The following ZNF521 variants were observed in gnomAD, a reference collection of about 807,000 sequenced individuals.
ZNF521 encodes LYST-interacting protein 3.
ZNF521 carries 14 observed loss-of-function variants against 105.5 expected under a neutral mutation model. That is an observed-to-expected ratio of 0.13 (90% confidence interval 0.09 to 0.21). ZNF521 has a LOEUF of 0.21. Ranked by LOEUF, ZNF521 falls within the 10% of genes least tolerant of loss-of-function variation. The pLI is 1.00. For missense variants in ZNF521, 1,233 were observed against 1,629.7 expected (o/e 0.76, Z 4.19); for synonymous variants, 635 against 606.0 (o/e 1.05, Z -0.70).
rs148744300 is a variant in ZNF521 at position 25,198,121 on chromosome 18, G to A, written c.3574-2877C>T. 3.0e-3 allele frequency among the ~76,000 whole-genome samples: 459 copies of A among 151,872 alleles called. 1 individual carries two copies. The highest frequency in any genetic ancestry group is 0.01 in the African/African-American group (429 of 41,516). On this transcript the variant is annotated intron_variant, in intron 4 of 7. Coordinates refer to ENST00000361524, the MANE Select transcript of ZNF521 (RefSeq NM_015461.3). The stretch of plus-strand genomic sequence containing the variant: ...ATGCTAATTTAGTACATTTTTAAAA[G>A]AGACTTTTTTTTTCATTAGCCTTTT...
chr18:25,224,263 T>C lies in ZNF521; in HGVS notation c.3573+82A>G, dbSNP rs546097946. On this transcript the variant is annotated intron_variant, in intron 4 of 7. Coordinates refer to ENST00000361524, the MANE Select transcript of ZNF521 (RefSeq NM_015461.3). ...GCATCTTTTGGCCCATGACAATAAA[T>C]AAAGCTGTGGAGAGTGTAAACATAA... 175 of 1,276,092 alleles carry C rather than the reference T, an allele frequency of 1.4e-4. No individual in the cohort carries two copies. In the East Asian group the frequency reaches 4.1e-3, roughly 30 times the overall value. The allele number at this position is 1,276,092 out of a possible 1,614,324, so 79.0% of individuals were successfully genotyped here. A position where few individuals can be genotyped will look rare whatever the true frequency, so the allele number is the denominator to read the frequency against.
At chr18:25,273,685 T>C (rs1317828506) in intron 3 of ZNF521, 7 of 152,214 alleles carry the variant, frequency 4.6e-5, no homozygotes, top group Non-Finnish European at 1.0e-4. Flanking sequence ...GAGTACTATG[T>C]AAATATTTGT....
At chr18:25,271,742 C>A (rs1298917616) in intron 3 of ZNF521, among the ~76,000 whole-genome samples, 1 of 152,140 alleles carries the variant, frequency 6.6e-6, no homozygotes, top group Admixed American at 6.5e-5. Context: ...TGGATCCCTG[C>A]CTTACACCTT....
chr18:25,112,249 C>T (rs2034205813), intron 5 of ZNF521, among the ~76,000 whole-genome samples: 1 of 152,200 alleles, frequency 6.6e-6, no homozygotes, highest in African/African-American at 2.4e-5. Flanking sequence ...CATCTCAGCT[C>T]ATGTATGAGG....
chr18:25,106,011 C>T (rs1372721345), intron 5 of ZNF521, among the ~76,000 whole-genome samples: 3 of 151,792 alleles, frequency 2.0e-5, no homozygotes, highest in Admixed American at 6.6e-5. Context: ...ATGTGGTATT[C>T]GTTTTGTTGT....
At chr18:25,198,125 CT>C (rs796852654) in intron 4 of ZNF521, among the ~76,000 whole-genome samples, 8 of 150,962 alleles carry the variant, frequency 5.3e-5, no homozygotes, top group Non-Finnish European at 7.4e-5. Context: ...TTAAAAGAGA[CT>C]TTTTTTTTCA....
At chr18:25,257,082 A>G (rs1384015904) in intron 3 of ZNF521, among the ~76,000 whole-genome samples, 3 of 152,168 alleles carry the variant, frequency 2.0e-5, no homozygotes, top group African/African-American at 7.2e-5. Context: ...TCACTGGGGT[A>G]GCAACGCAGG....
intron 4 of ZNF521, chr18:25,201,543 A>G (rs1053572980): frequency 2.6e-5 from 4 of 152,180 alleles, no homozygotes; most frequent in Admixed American, 6.6e-5. Context: ...TTGTTTTTCT[A>G]TCTTTATATT....
intron 2 of ZNF521, among the ~76,000 whole-genome samples, chr18:25,335,424 T>C (rs1267227983): frequency 1.3e-5 from 2 of 152,148 alleles, no homozygotes; most frequent in African/African-American, 4.8e-5. Flanking sequence ...AAACACTCTG[T>C]ACCTCGCCTA....
At chr18:25,206,370 T>C (rs1455466031) in intron 4 of ZNF521, among the ~76,000 whole-genome samples, 1 of 152,160 alleles carries the variant, frequency 6.6e-6, no homozygotes, top group Non-Finnish European at 1.5e-5. Flanking sequence ...AATATGTAAA[T>C]GACTCATACC....
chr18:25,253,948 CA>C, intron 3 of ZNF521, among the ~76,000 whole-genome samples: 1 of 152,252 alleles, frequency 6.6e-6, no homozygotes. Context: ...CCCAACTCTT[CA>C]GTTACTCTGA....
chr18:25,083,188 T>C (rs1183877075), intron 7 of ZNF521, among the ~76,000 whole-genome samples: 2 of 152,172 alleles, frequency 1.3e-5, no homozygotes, highest in Admixed American at 6.5e-5. Flanking sequence ...CAAGTATACA[T>C]GTTTAGTTTT....
At chr18:25,099,969 T>G (rs1012274055) in intron 5 of ZNF521, among the ~76,000 whole-genome samples, 2 of 152,122 alleles carry the variant, frequency 1.3e-5, no homozygotes, top group Non-Finnish European at 2.9e-5. Flanking sequence ...CAATATTAAT[T>G]CCACACAGTG....
intron 3 of ZNF521, among the ~76,000 whole-genome samples, chr18:25,285,662 A>G (rs1420908862): frequency 6.6e-6 from 1 of 152,070 alleles, no homozygotes; most frequent in African/African-American, 2.4e-5. Context: ...AGAACTACAG[A>G]CAGATTTTGT....
intron 3 of ZNF521, among the ~76,000 whole-genome samples, chr18:25,237,641 A>G (rs1362364074): frequency 6.6e-6 from 1 of 152,218 alleles, no homozygotes; most frequent in African/African-American, 2.4e-5. Flanking sequence ...AATGAGACAC[A>G]TTGCTAATAT....
rs773295968 is a variant in ZNF521 at position 25,352,138 on chromosome 18, A to G, written c.-135T>C. 2.0e-5 allele frequency: 8 copies of G among 408,182 alleles called. No individual in the cohort carries two copies. The highest frequency in any genetic ancestry group is 3.5e-5 in the Non-Finnish European group (7 of 197,694). The allele number at this position is 408,182 out of a possible 1,614,324, so 25.3% of individuals were successfully genotyped here. A position where few individuals can be genotyped will look rare whatever the true frequency, so the allele number is the denominator to read the frequency against. On this transcript the variant is annotated 5_prime_UTR_variant, in exon 1 of 8. Coordinates refer to ENST00000361524, the MANE Select transcript of ZNF521 (RefSeq NM_015461.3). Reference sequence around the variant, plus strand: ...GCAGGGACTCGCTCTGTACGTAATCACTGAGGAAATCATTGTCAGCCTGCC... The same window carrying G: ...GCAGGGACTCGCTCTGTACGTAATCGCTGAGGAAATCATTGTCAGCCTGCC...
chr18:25,174,872 AT>A (rs1216864926), intron 5 of ZNF521, among the ~76,000 whole-genome samples: 1 of 152,142 alleles, frequency 6.6e-6, no homozygotes, highest in African/African-American at 2.4e-5. Flanking sequence ...TTAATTTCAG[AT>A]TTTTAATCAC....
chr18:25,260,794 G>A (rs1474314748), intron 3 of ZNF521, among the ~76,000 whole-genome samples: 2 of 152,006 alleles, frequency 1.3e-5, no homozygotes, highest in African/African-American at 4.8e-5. Flanking sequence ...AAATCCCCAG[G>A]AGAGTCATAG....
At chr18:25,223,437 T>C (rs1905868507) in intron 4 of ZNF521, among the ~76,000 whole-genome samples, 1 of 151,896 alleles carries the variant, frequency 6.6e-6, no homozygotes, top group South Asian at 2.1e-4. Context: ...ATAAGGAAAA[T>C]GCAGTAACCC....
Sources: gnomAD v4.1 joint callset for allele counts (sites outside exome capture counted in the v4.1 genomes callset) on GRCh38, gnomAD v4.1.1 for gene constraint, MANE v1.5 for transcripts, NCBI Gene and HGNC (gene_info 2026-07-23, HGNC 2026-07-21) for gene names.